The following EVC variants were observed in gnomAD, a reference collection of about 807,000 sequenced individuals.
EVC encodes the protein evC complex member EVC.
Under a neutral mutation model 118.9 loss-of-function variants are expected in EVC, and 116 were observed. The observed-to-expected ratio is 0.98, with a 90% confidence interval of 0.84 to 1.14. The LOEUF (loss-of-function observed/expected upper bound fraction) is 1.14. Ranked by LOEUF, EVC falls within the 50% of genes most tolerant of loss-of-function variation. The pLI is 0.00. For missense variants in EVC, 1,401 were observed against 1,246.4 expected (o/e 1.12, Z -1.87); for synonymous variants, 619 against 534.7 (o/e 1.16, Z -2.18).
chr4:5,767,217 C>T (rs551499165), intron 11 of EVC, among the ~76,000 whole-genome samples: 5 of 152,202 alleles, frequency 3.3e-5, no homozygotes, highest in African/African-American at 9.6e-5. Flanking sequence ...TCCTCGGGGG[C>T]CAGGGTTCAG....
At chr4:5,720,115 G>T (rs1724696721) in intron 2 of EVC, among the ~76,000 whole-genome samples, 1 of 152,132 alleles carries the variant, frequency 6.6e-6, no homozygotes, top group African/African-American at 2.4e-5. Flanking sequence ...AGCCCCGTGG[G>T]TGGAGAGGAT....
In EVC at chr4:5,743,915, G is replaced by T. The variant is rs1008916263; in HGVS notation, c.802-1289G>T. 1.3e-5 allele frequency among the ~76,000 whole-genome samples: 2 copies of T among 152,038 alleles called. No individual in the cohort carries two copies. The highest frequency in any genetic ancestry group is 2.4e-5 in the African/African-American group (1 of 41,378). ...TAATGATGATGATGACATTTATAAT[G>T]GTATTAGTAATAATGAAACAATACT... On this transcript the variant is annotated intron_variant, in intron 6 of 20. Transcript: ENST00000264956. This position sits in a 1 kb window ranked among gnomAD's most constrained non-coding sequence, Gnocchi z 4.7.
chr4:5,808,442 G>A (rs1281304210), intron 18 of EVC, 115 bp downstream of exon 18: 5 of 1,522,014 alleles, frequency 3.3e-6, no homozygotes, highest in Non-Finnish European at 4.5e-6. Flanking sequence ...CCTGCCTGTG[G>A]CATCGTTGAC....
chr4:5,818,775 C>T (rs1224729869), downstream of EVC, among the ~76,000 whole-genome samples: 1 of 152,198 alleles, frequency 6.6e-6, no homozygotes, highest in Non-Finnish European at 1.5e-5. Flanking sequence ...TTGGACTTCT[C>T]AGTCTCAAAG....
intron 11 of EVC, among the ~76,000 whole-genome samples, chr4:5,781,106 A>T (rs1410032674): frequency 1.3e-5 from 2 of 152,236 alleles, no homozygotes; most frequent in Non-Finnish European, 2.9e-5. Flanking sequence ...ATGTTCAGCT[A>T]AGCCACATTG....
chr4:5,761,116 C>G (rs1162853143), intron 11 of EVC, among the ~76,000 whole-genome samples: 3 of 152,136 alleles, frequency 2.0e-5, no homozygotes, highest in Non-Finnish European at 2.9e-5. Context: ...CTGGACTGTT[C>G]TGAGCTCTGG....
chr4:5,781,540 T>A (rs1237970528), intron 11 of EVC, among the ~76,000 whole-genome samples: 1 of 152,076 alleles, frequency 6.6e-6, no homozygotes. Context: ...AAGGAGTGGC[T>A]TTAAAAAGCT....
intron 1 of EVC, among the ~76,000 whole-genome samples, chr4:5,714,495 ATTTTTT>A: frequency 7.7e-6 from 1 of 129,664 alleles, no homozygotes; most frequent in Admixed American, 7.8e-5. Context: ...TGCTGCTTGC[ATTTTTT>A]TTTTTTTTTT....
intron 1 of EVC, among the ~76,000 whole-genome samples, chr4:5,711,896 G>C (rs915402600): frequency 1.3e-5 from 2 of 152,210 alleles, no homozygotes; most frequent in African/African-American, 2.4e-5. Context: ...AGGACGGCTG[G>C]GGCTCCCACG....
At chr4:5,797,386 A>G (rs1450795807) in intron 14 of EVC, 154 bp downstream of exon 14, 1 of 694,778 alleles carries the variant, frequency 1.4e-6, no homozygotes. Context: ...GCAAGGTCCC[A>G]CAGACCGGGC....
At chr4:5,760,221 G>A (rs1354352809) in intron 11 of EVC, among the ~76,000 whole-genome samples, 3 of 151,942 alleles carry the variant, frequency 2.0e-5, no homozygotes, top group Non-Finnish European at 4.4e-5. Flanking sequence ...TTCACAATAC[G>A]GAAGTTCCTG....
intron 12 of EVC, among the ~76,000 whole-genome samples, chr4:5,792,067 T>G (rs113610444): frequency 1.3e-5 from 2 of 152,004 alleles, no homozygotes; most frequent in African/African-American, 4.8e-5. Flanking sequence ...TATTCCAAAA[T>G]GCAGGTTAGA....
At chr4:5,793,464 A>G (rs1186077300) in intron 12 of EVC, 144 bp from the exon 13 acceptor site, 1 of 768,584 alleles carries the variant, frequency 1.3e-6, no homozygotes, top group African/African-American at 1.7e-5. Flanking sequence ...AGAAAATACA[A>G]GAGAAAATGT....
chr4:5,723,273 T>A (rs1725266940), intron 2 of EVC, among the ~76,000 whole-genome samples: 2 of 150,390 alleles, frequency 1.3e-5, no homozygotes, highest in Admixed American at 1.3e-4. Flanking sequence ...CCCTGCAACC[T>A]CTGCCTCCTG....
intron 12 of EVC, among the ~76,000 whole-genome samples, chr4:5,784,606 A>AT (rs35237111): frequency 0.12 from 12,791 of 111,086 alleles, 915 homozygotes; most frequent in East Asian, 0.22. Context: ...ATACACATTG[A>AT]TTTTTTTTTT....
At chr4:5,794,280 TA>T (rs1429582858) in intron 13 of EVC, among the ~76,000 whole-genome samples, 6 of 138,408 alleles carry the variant, frequency 4.3e-5, no homozygotes, top group Non-Finnish European at 9.4e-5. Flanking sequence ...TATATATATT[TA>T]TATATATTTT....
the EVC span, chr4:5,821,519 A>C: frequency 7.5e-6 from 4 of 535,232 alleles, no homozygotes; most frequent in Admixed American, 1.2e-4. The surrounding 1 kb of genome is among the most constrained non-coding windows in gnomAD (Gnocchi z 4.4). Flanking sequence ...GGAAGGGGGA[A>C]TGAAAACACC....
intron 11 of EVC, among the ~76,000 whole-genome samples, chr4:5,776,065 A>C (rs965377354): frequency 1.3e-5 from 2 of 151,968 alleles, no homozygotes; most frequent in South Asian, 2.1e-4. Context: ...TTCCATTCCT[A>C]ATTTGCTAAG....
In EVC at chr4:5,749,873, G is replaced by T. The variant is rs1220632168; in HGVS notation, c.1098+1567G>T. Reference sequence around the variant, plus strand: ...GCACACCACATGCCTCTCCCAATCCGCTCTGCTCCTCCAGGTGTGATCCAC... The same window carrying T: ...GCACACCACATGCCTCTCCCAATCCTCTCTGCTCCTCCAGGTGTGATCCAC... On this transcript the variant is annotated intron_variant, in intron 8 of 20. Transcript: ENST00000264956. This position sits in a 1 kb window ranked among gnomAD's most constrained non-coding sequence, Gnocchi z 4.4. 1.3e-5 allele frequency among the ~76,000 whole-genome samples: 2 copies of T among 152,020 alleles called. No homozygotes were observed. Among genetic ancestry groups the T allele is most frequent in the Non-Finnish European group, 1.5e-5 (1 of 68,022 alleles).
Sources: allele counts gnomAD v4.1 joint callset (sites outside exome capture counted in the v4.1 genomes callset), GRCh38; gene constraint gnomAD v4.1.1; non-coding constraint Gnocchi (gnomAD v3.1); transcripts MANE v1.5; gene names NCBI Gene and HGNC (gene_info 2026-07-23, HGNC 2026-07-21).